EYS: variants seen among roughly 807,000 people sequenced by gnomAD.
EYS encodes the protein EGF-like photoreceptor maintenance factor.
In EYS, 250 loss-of-function variants were observed where a neutral mutation model predicts 282.1. The observed-to-expected ratio is 0.89, with a 90% CI of 0.80 to 0.98. The LOEUF is 0.98. Among genes scored for constraint, EYS ranks in the 50% least tolerant of loss-of-function variants. The pLI, the probability that EYS is intolerant of heterozygous loss-of-function variation, is 0.00. For missense variants in EYS, 4,016 were observed against 3,709.0 expected (o/e 1.08, Z -2.15); for synonymous variants, 1,355 against 1,282.9 (o/e 1.06, Z -1.20).
At chr6:65,557,879 C>T (rs1200303579) in intron 2 of EYS, among the ~76,000 whole-genome samples, 1 of 152,108 alleles carries the variant, frequency 6.6e-6, no homozygotes, top group Admixed American at 6.6e-5. Flanking sequence ...AAGTGGGTAG[C>T]TCCTATCTGC....
chr6:64,343,705 A>C (rs1240282492), intron 29 of EYS, among the ~76,000 whole-genome samples: 3 of 152,068 alleles, frequency 2.0e-5, no homozygotes, highest in Non-Finnish European at 4.4e-5. Flanking sequence ...AGTAACTAAG[A>C]TCGAGCAGAA....
At chr6:65,332,554 T>A (rs535535111) in intron 11 of EYS, 1 of 704,634 alleles carries the variant, frequency 1.4e-6, no homozygotes, top group South Asian at 1.8e-5. Context: ...TACAGAGGGT[T>A]TATAGTGCTA....
intron 22 of EYS, among the ~76,000 whole-genome samples, chr6:64,789,692 T>C (rs1774127443): frequency 2.0e-5 from 3 of 152,084 alleles, no homozygotes; most frequent in Non-Finnish European, 1.5e-5. Context: ...CCACTTCCTG[T>C]GCTCTAACCT....
chr6:63,894,589 G>T (rs1333696806), intron 35 of EYS, among the ~76,000 whole-genome samples: 29 of 147,698 alleles, frequency 2.0e-4, no homozygotes, highest in East Asian at 1.4e-3. Flanking sequence ...TTGTTTGTTT[G>T]TTTTTTTTTT....
Position 64,591,801 on chromosome 6 carries a change from G to A in EYS, c.4066C>T (p.Arg1356Cys), listed in dbSNP as rs1160349210. 2.6e-6 allele frequency: 4 copies of A among 1,551,238 alleles called. No homozygotes were observed. The highest frequency in any genetic ancestry group is 1.2e-5 in the South Asian group (1 of 84,040). ...SSSRFLNFGI[R>C]DPAQIVQDKT... ...TCCTGGACAATTTGTGCTGGGTCAC[G>A]AATACCAAAATTCAGGAATCGAGAA... The change falls in exon 26 of 43, where the codon CGT becomes TGT. Residue 1356 changes from arginine (R) to cysteine (C), a missense_variant. By Grantham distance (180) the Arg-to-Cys change is radical. Transcript: ENST00000503581.
chr6:64,295,518 A>AAGAAGAAGAAGAAAG, intron 30 of EYS, among the ~76,000 whole-genome samples: 1 of 35,902 alleles, frequency 2.8e-5, no homozygotes, highest in Admixed American at 2.6e-4. Context: ...AAGAAAGAAG[A>AAGAAGAAGAAGAAAG]AAGAAGAAAG....
At chr6:65,335,752 G>A (rs1406233399) in intron 10 of EYS, among the ~76,000 whole-genome samples, 3 of 151,690 alleles carry the variant, frequency 2.0e-5, no homozygotes, top group South Asian at 4.1e-4. Flanking sequence ...GACCTTATGA[G>A]GCACAAAAAT....
intron 35 of EYS, among the ~76,000 whole-genome samples, chr6:63,887,082 G>T (rs1773278130): frequency 6.6e-6 from 1 of 152,132 alleles, no homozygotes; most frequent in Non-Finnish European, 1.5e-5. Flanking sequence ...AGTTGACCTA[G>T]AAACACATTG....
chr6:65,329,788 TA>T lies in EYS; in HGVS notation c.1766+5191del, dbSNP rs147315758. Reference sequence around the variant, plus strand: ...TAATTTAAGAAAATCCTGGTCAAATTATACTATACTTTTGTGCCATATTCAC... The same window carrying T: ...TAATTTAAGAAAATCCTGGTCAAATTTACTATACTTTTGTGCCATATTCAC... On this transcript the variant is annotated intron_variant, in intron 11 of 42. Transcript: ENST00000503581. 2.3e-3 allele frequency: 2,220 copies of T among 982,186 alleles called. 42 individuals are homozygous for T. The African/African-American group carries it at 0.036, about 16-fold the overall frequency. 60.8% of individuals were successfully genotyped at this position (982,186 alleles called of 1,614,324 possible). A position where few individuals can be genotyped will look rare whatever the true frequency, so the allele number is the denominator to read the frequency against.
intron 26 of EYS, among the ~76,000 whole-genome samples, chr6:64,523,710 G>C (rs1777829215): frequency 6.6e-6 from 1 of 151,630 alleles, no homozygotes; most frequent in Non-Finnish European, 1.5e-5. Flanking sequence ...GGAAAATGAA[G>C]AGATGATTTG....
chr6:63,859,667 A>C (rs1446541368), intron 36 of EYS, among the ~76,000 whole-genome samples: 1 of 151,564 alleles, frequency 6.6e-6, no homozygotes, highest in Non-Finnish European at 1.5e-5. Context: ...AGAAGAGATT[A>C]TTCTTGCATA....
intron 12 of EYS, among the ~76,000 whole-genome samples, chr6:65,238,297 C>A (rs1020056274): frequency 6.7e-6 from 1 of 150,246 alleles, no homozygotes; most frequent in African/African-American, 2.4e-5. Flanking sequence ...ATAGGCACAC[C>A]AATACATGAA....
intron 12 of EYS, among the ~76,000 whole-genome samples, chr6:65,289,181 C>A (rs1249638640): frequency 6.6e-6 from 1 of 150,588 alleles, no homozygotes; most frequent in Non-Finnish European, 1.5e-5. Flanking sequence ...TTATTTTATA[C>A]AAATATGGAT....
chr6:64,315,861 T>C (rs1048482854), intron 29 of EYS, among the ~76,000 whole-genome samples: 1 of 151,960 alleles, frequency 6.6e-6, no homozygotes, highest in East Asian at 1.9e-4. Context: ...TCAAAAAGCT[T>C]ATCTACCACG....
intron 26 of EYS, among the ~76,000 whole-genome samples, chr6:64,522,098 C>T (rs749574628): frequency 2.0e-5 from 3 of 151,714 alleles, no homozygotes; most frequent in Admixed American, 6.6e-5. Flanking sequence ...TATTTGAAGA[C>T]GAGGTGCTGC....
chr6:64,661,530 C>A (rs1406697448), intron 22 of EYS, among the ~76,000 whole-genome samples: 1 of 152,024 alleles, frequency 6.6e-6, no homozygotes, highest in Non-Finnish European at 1.5e-5. Flanking sequence ...TGAACTCAAA[C>A]AAATTGACAA....
chr6:64,102,923 G>A (rs1299918763), intron 31 of EYS, among the ~76,000 whole-genome samples: 1 of 151,894 alleles, frequency 6.6e-6, no homozygotes, highest in African/African-American at 2.4e-5. Flanking sequence ...AATATCTGTA[G>A]TGATTTTTTC....
At chr6:64,211,973 G>A (rs948001019) in intron 31 of EYS, among the ~76,000 whole-genome samples, 2 of 151,798 alleles carry the variant, frequency 1.3e-5, no homozygotes, top group African/African-American at 4.8e-5. Context: ...AAAATTAGCC[G>A]GGCGTGGTGG....
intron 28 of EYS, among the ~76,000 whole-genome samples, chr6:64,421,806 G>A (rs1351237614): frequency 6.6e-6 from 1 of 152,020 alleles, no homozygotes; most frequent in African/African-American, 2.4e-5. Flanking sequence ...TTCAGGGAGG[G>A]AGCGAAGAAG....
Sources: gnomAD v4.1 joint callset for allele counts (sites outside exome capture counted in the v4.1 genomes callset) on GRCh38, gnomAD v4.1.1 for gene constraint, MANE v1.5 for transcripts, NCBI Gene and HGNC (gene_info 2026-07-23, HGNC 2026-07-21) for gene names.